The following MMP28 variants were observed in gnomAD, a reference collection of about 807,000 sequenced individuals.
MMP28 encodes matrix metalloproteinase-28.
MMP28 carries 55 observed loss-of-function variants against 60.5 expected under a neutral mutation model. The observed-to-expected ratio is 0.91, with a 90% CI of 0.73 to 1.14. The LOEUF is 1.14. Among genes scored for constraint, MMP28 ranks in the 50% most tolerant of loss-of-function variants. The probability of loss-of-function intolerance (pLI) is 0.00; values close to 1 mark genes in which losing one functional copy is unlikely to be tolerated. For synonymous variants in MMP28, 318 were observed against 312.5 expected (o/e 1.02, Z -0.18); for missense variants, 686 against 738.3 (o/e 0.93, Z 0.82).
chr17:35,793,315 C>T (rs2086869133), intron 1 of MMP28, among the ~76,000 whole-genome samples: 1 of 152,204 alleles, frequency 6.6e-6, no homozygotes, highest in Admixed American at 6.5e-5. Flanking sequence ...AGATATGCCT[C>T]TGTTCCCTTG....
In MMP28 at chr17:35,786,472, C is replaced by T. The variant is rs756047506; in HGVS notation, c.112-7149G>A. Among the ~76,000 whole-genome samples, 34 of 152,224 alleles carry T rather than the reference C, an allele frequency of 2.2e-4. No homozygotes were observed. The South Asian group carries it at 6.6e-3, about 30-fold the overall frequency. On this transcript the variant is annotated intron_variant, in intron 1 of 7. Transcript: ENST00000605424. ...AAACTGTCACTTTACCTATGATATA[C>T]TCCATCTCATGTTACATTTTATTAT...
intron 1 of MMP28, among the ~76,000 whole-genome samples, chr17:35,780,691 T>G (rs949535966): frequency 6.6e-6 from 1 of 151,774 alleles, no homozygotes; most frequent in African/African-American, 2.4e-5. Context: ...AAAAATTAGC[T>G]GGGCGTGGTG....
rs187384148 is a variant in MMP28 at position 35,759,650 on chromosome 17, G to A, written c.266-3231C>T. ...CGGGAGGCAGAGGTTGCAGTGAGCC[G>A]AGATTGCGCCACTGCACTCCAGCCT... On this transcript the variant is annotated intron_variant, in intron 2 of 2. Transcript: ENST00000615317. 2.6e-3 allele frequency among the ~76,000 whole-genome samples: 392 copies of A among 152,198 alleles called. 1 individual carries two copies. The highest frequency in any genetic ancestry group is 8.8e-3 in the African/African-American group (365 of 41,512).
In MMP28 at chr17:35,768,374, G is replaced by T. The variant is rs1431256272; in HGVS notation, c.856C>A (p.Pro286Thr). 5 of 1,600,786 alleles carry T rather than the reference G, an allele frequency of 3.1e-6. No individual in the cohort carries two copies. The Admixed American group carries it at 8.9e-5, about 28-fold the overall frequency. Residue 286 changes from proline (P) to threonine (T), a missense_variant, in exon 6 of 8, where the codon CCC (proline) becomes ACC (threonine). Transcript: ENST00000605424. ...TGGACGGCCACTGAGCCCCCTAGGG[G>T]CTTCCCTTTGTGAGTAAGGAAATAA... ...VLAVQSLYGKPLGGSVAVQLP... is the reference protein window; with the variant it reads ...VLAVQSLYGKTLGGSVAVQLP...
intron 2 of MMP28, chr17:35,758,039 C>T (rs969803986): frequency 2.0e-5 from 3 of 152,130 alleles, no homozygotes; most frequent in Admixed American, 6.5e-5. Flanking sequence ...AGTTAAGGAG[C>T]TATTTATACT....
intron 4 of MMP28, among the ~76,000 whole-genome samples, chr17:35,770,548 A>G (rs1054284388): frequency 1.3e-5 from 2 of 152,230 alleles, no homozygotes; most frequent in African/African-American, 4.8e-5. Context: ...ACTGTGGTGT[A>G]GATATGGCAT....
downstream of MMP28, chr17:35,764,416 C>G: frequency 6.6e-7 from 1 of 1,525,156 alleles, no homozygotes; most frequent in Non-Finnish European, 8.8e-7. Context: ...CGCCTGGTCC[C>G]CGCCGGCAGG....
rs141507681 is a variant in MMP28 at position 35,772,933 on chromosome 17, T to C, written c.604+247A>G. ...CGGGAGATTCTCCCAGAATGCATAA[T>C]ACTCTTGAGAATTTGCAAAGCACTT... On this transcript the variant is annotated intron_variant, in intron 4 of 7. Transcript: ENST00000605424. Among the ~76,000 whole-genome samples the C allele has an allele frequency of 5.1e-3, 775 of 152,314 alleles. 4 individuals carry two copies. The highest frequency in any genetic ancestry group is 0.023 in the South Asian group (111 of 4,826).
chr17:35,770,307 C>T lies in MMP28; in HGVS notation c.610G>A (p.Ala204Thr). Residue 204 changes from alanine (A) to threonine (T), a missense_variant, in exon 5 of 8, where the codon GCC (alanine) becomes ACC (threonine). By Grantham distance (58) the Ala-to-Thr change is moderately conservative. Coordinates refer to ENST00000605424, the MANE Select transcript of MMP28 (RefSeq NM_024302.5). ...LGNAFDGPGG[A>T]LAHAFLPRRG... Reference sequence around the variant, plus strand: ...CGGGGCAGGAAGGCGTGCGCCAGGGCGCCCCCTGCAGGTGGGGCAGAAGGT... The same window carrying T: ...CGGGGCAGGAAGGCGTGCGCCAGGGTGCCCCCTGCAGGTGGGGCAGAAGGT... 1 of 1,513,754 alleles carries T rather than the reference C, an allele frequency of 6.6e-7. No homozygotes were observed. The allele number at this position is 1,513,754 out of a possible 1,614,324, so 93.8% of individuals were successfully genotyped here.
chr17:35,768,330 G>A lies in MMP28; in HGVS notation c.900C>T (p.Phe300=). The A allele has an allele frequency of 6.2e-7, 1 of 1,613,166 alleles. No homozygotes were observed. Among genetic ancestry groups the A allele is most frequent in the Non-Finnish European group, 8.5e-7 (1 of 1,179,540 alleles). ...SVAVQLPGKL[F]TDFETWDSYS... is the part of the protein sequence containing the mutation. Reference sequence around the variant, plus strand: ...AGGAGTCCCAGGTCTCAAAGTCAGTGAACAGCTTTCCTGGGAGCTGGACGG... The same window carrying A: ...AGGAGTCCCAGGTCTCAAAGTCAGTAAACAGCTTTCCTGGGAGCTGGACGG... Residue 300 remains phenylalanine, a synonymous_variant, in exon 6 of 8, where the codon TTC becomes TTT. Coordinates refer to ENST00000605424, the MANE Select transcript of MMP28 (RefSeq NM_024302.5).
At chr17:35,784,290 A>T (rs1041176817) in intron 1 of MMP28, among the ~76,000 whole-genome samples, 1 of 151,944 alleles carries the variant, frequency 6.6e-6, no homozygotes, top group African/African-American at 2.4e-5. Flanking sequence ...TTCCAAAAAA[A>T]AAAAAAGCAC....
At chr17:35,782,819 A>AT (rs61495785) in intron 1 of MMP28, among the ~76,000 whole-genome samples, 14,439 of 148,908 alleles carry the variant, frequency 0.097, 865 homozygotes, top group East Asian at 0.24. Flanking sequence ...GGGACAAATT[A>AT]TTTTTTTTTT....
At chr17:35,794,383 T>A (rs1187832834) in intron 1 of MMP28, among the ~76,000 whole-genome samples, 1 of 151,280 alleles carries the variant, frequency 6.6e-6, no homozygotes, top group African/African-American at 2.4e-5. Context: ...GTAGCTGGGA[T>A]TACAGGCGCC....
chr17:35,769,924 T>G, intron 5 of MMP28, 143 bp downstream of exon 5: 1 of 1,137,000 alleles, frequency 8.8e-7, no homozygotes, highest in Non-Finnish European at 1.2e-6. Context: ...GCATAGGGCT[T>G]TAGAATTGGG....
chr17:35,792,699 T>C (rs1459979464), intron 1 of MMP28, among the ~76,000 whole-genome samples: 1 of 152,232 alleles, frequency 6.6e-6, no homozygotes, highest in East Asian at 1.9e-4. Flanking sequence ...TGTCCTGTAT[T>C]ATTGTTGTGG....
downstream of MMP28, chr17:35,764,455 T>A: frequency 6.4e-7 from 1 of 1,557,368 alleles, no homozygotes; most frequent in Non-Finnish European, 8.7e-7. Flanking sequence ...GAGCCGTGCG[T>A]GCTGGAGATC....
intron 1 of MMP28, among the ~76,000 whole-genome samples, chr17:35,780,977 G>T (rs1481337650): frequency 5.3e-5 from 8 of 152,172 alleles, no homozygotes; most frequent in African/African-American, 1.7e-4. Flanking sequence ...GAGCTGATAC[G>T]TAATCTGAGT....
In MMP28 at chr17:35,767,821, C is replaced by T; in HGVS notation, c.1099G>A (p.Val367Ile). The part of the protein sequence containing the change: ...SEPRPLQERW[V>I]GLPPNIEAAA... ...GCCTCAATGTTGGGGGGCAGCCCGA[C>T]CCATCTTTCCTGCAGTGGACGGGGC... The change falls in exon 7 of 8, where the codon GTC becomes ATC. Residue 367 changes from valine (V) to isoleucine (I), a missense_variant. Physicochemically the swap from Val to Ile is conservative, Grantham distance 29 (BLOSUM62 3). Transcript: ENST00000605424. The T allele has an allele frequency of 6.2e-7, 1 of 1,610,722 alleles. No individual in the cohort carries two copies. The highest frequency in any genetic ancestry group is 8.5e-7 in the Non-Finnish European group (1 of 1,178,746).
intron 4 of MMP28, among the ~76,000 whole-genome samples, chr17:35,771,638 T>A (rs1315955984): frequency 7.1e-6 from 1 of 141,136 alleles, no homozygotes; most frequent in Non-Finnish European, 1.5e-5. Flanking sequence ...GTATAATTTT[T>A]ATTTTTATTA....
Sources: allele counts gnomAD v4.1 joint callset (sites outside exome capture counted in the v4.1 genomes callset), GRCh38; gene constraint gnomAD v4.1.1; transcripts MANE v1.5; gene names NCBI Gene and HGNC (gene_info 2026-07-23, HGNC 2026-07-21).